PAPOLG: variants seen among roughly 807,000 people sequenced by gnomAD.
PAPOLG encodes the protein poly(A) polymerase gamma, also known as PAP-gamma.
PAPOLG carries 40 observed loss-of-function variants against 99.0 expected under a neutral mutation model. That is an observed-to-expected ratio of 0.40 (90% CI 0.31 to 0.53). The LOEUF is 0.53. Among genes scored for constraint, PAPOLG ranks in the 20% least tolerant of loss-of-function variants. The pLI, the probability that PAPOLG is intolerant of heterozygous loss-of-function variation, is 0.41. For synonymous variants in PAPOLG, 310 were observed against 299.3 expected (o/e 1.04, Z -0.37); for missense variants, 675 against 884.1 (o/e 0.76, Z 3.00).
rs1671760609 is a variant in PAPOLG at position 60,797,883 on chromosome 2, T to C, written c.*723T>C. The C allele has an allele frequency of 6.5e-6, 1 of 152,776 alleles. No homozygotes were observed. Among genetic ancestry groups the C allele is most frequent in the South Asian group, 2.1e-4 (1 of 4,834 alleles). 9.5% of individuals were successfully genotyped at this position (152,776 alleles called of 1,614,324 possible). A position where few individuals can be genotyped will look rare whatever the true frequency, so the allele number is the denominator to read the frequency against. On this transcript the variant is annotated 3_prime_UTR_variant, in exon 22 of 22. Transcript: ENST00000238714. ...TATATTTTGCCTCCCATGGAGGCCT[T>C]TGAAATGCATCTTTATTAAAAATCA...
chr2:60,781,412 T>A (rs1671186073), intron 10 of PAPOLG, among the ~76,000 whole-genome samples: 1 of 152,168 alleles, frequency 6.6e-6, no homozygotes, highest in Non-Finnish European at 1.5e-5. Flanking sequence ...AATAAAAGAT[T>A]TACTTTGCAA....
Position 60,787,071 on chromosome 2 carries a change from GTTAA to G in PAPOLG, c.1286+8_1286+11del. Reference sequence around the variant, plus strand: ...GAATAAGGAACATCATAAAGAGTAAGTTAATTGTTTTATAATACTTTATTTCTTA... The same window carrying G: ...GAATAAGGAACATCATAAAGAGTAAGTTGTTTTATAATACTTTATTTCTTA... On this transcript the variant is annotated splice_donor_region_variant and intron_variant, in intron 14 of 21. Transcript: ENST00000238714. 1 of 1,582,926 alleles carries G rather than the reference GTTAA, an allele frequency of 6.3e-7. No individual in the cohort carries two copies. Among genetic ancestry groups the G allele is most frequent in the South Asian group, 1.2e-5 (1 of 86,588 alleles).
rs941508593 is a variant in PAPOLG, at chr2:60,797,701, T to C, written c.*541T>C. ...ATCTTTTCTGCTTTCCTCATTTGTG[T>C]AGATGTACTGTCTGTTCTGTTGATT... On this transcript the variant is annotated 3_prime_UTR_variant, in exon 22 of 22. Transcript: ENST00000238714. 6.5e-6 allele frequency: 1 copy of C among 153,044 alleles called. No individual in the cohort carries two copies. The highest frequency in any genetic ancestry group is 1.5e-5 in the Non-Finnish European group (1 of 68,234). The allele number at this position is 153,044 out of a possible 1,614,324, so 9.5% of individuals were successfully genotyped here. A position where few individuals can be genotyped will look rare whatever the true frequency, so the allele number is the denominator to read the frequency against.
At chr2:60,759,819 C>T (rs1314844520) in intron 1 of PAPOLG, among the ~76,000 whole-genome samples, 3 of 152,060 alleles carry the variant, frequency 2.0e-5, no homozygotes, top group African/African-American at 7.2e-5. Flanking sequence ...TGGAGGTGGC[C>T]CTGGCACAGA....
At chr2:60,776,722 C>CACCATG (rs1454529900) in intron 8 of PAPOLG, among the ~76,000 whole-genome samples, 1 of 152,150 alleles carries the variant, frequency 6.6e-6, no homozygotes, top group Admixed American at 6.5e-5. Context: ...GCCACCATGC[C>CACCATG]CGGCCAGCTT....
intron 13 of PAPOLG, among the ~76,000 whole-genome samples, chr2:60,786,058 G>A (rs1671352629): frequency 6.6e-6 from 1 of 152,034 alleles, no homozygotes; most frequent in Admixed American, 6.6e-5. Flanking sequence ...TTTAAATGGG[G>A]TTCCTAATAT....
At chr2:60,790,949 C>T (rs1237097878) in intron 15 of PAPOLG, among the ~76,000 whole-genome samples, 2 of 151,988 alleles carry the variant, frequency 1.3e-5, no homozygotes, top group African/African-American at 4.8e-5. Flanking sequence ...AGTAGCTGGG[C>T]ATGGTGCCAT....
At chr2:60,759,754 T>C (rs1380892575) in intron 1 of PAPOLG, among the ~76,000 whole-genome samples, 1 of 152,228 alleles carries the variant, frequency 6.6e-6, no homozygotes, top group Non-Finnish European at 1.5e-5. Context: ...AGTGGTTGAC[T>C]GCTTTTCAAA....
chr2:60,770,525 AT>A lies in PAPOLG; in HGVS notation c.492+19del. 1 of 1,516,842 alleles carries A rather than the reference AT, an allele frequency of 6.6e-7. No homozygotes were observed. 94.0% of individuals were successfully genotyped at this position (1,516,842 alleles called of 1,614,324 possible). ...GATGGTATTGAAGTAAGTGTTTAATATTTTTCTGACTTTACAATTGAACTGT... is the reference window on the plus strand; with the variant it reads ...GATGGTATTGAAGTAAGTGTTTAATATTTTCTGACTTTACAATTGAACTGT... On this transcript the variant is annotated intron_variant, in intron 6 of 21. Coordinates refer to ENST00000238714, the MANE Select transcript of PAPOLG (RefSeq NM_022894.4).
intron 9 of PAPOLG, 97 bp from the exon 10 acceptor site, chr2:60,780,610 C>A: frequency 7.9e-7 from 1 of 1,270,288 alleles, no homozygotes; most frequent in Non-Finnish European, 1.1e-6. Context: ...CCAGAACATT[C>A]ACTCTGTAGA....
intron 7 of PAPOLG, among the ~76,000 whole-genome samples, chr2:60,774,549 A>G (rs928492004): frequency 6.6e-6 from 1 of 152,132 alleles, no homozygotes; most frequent in Admixed American, 6.5e-5. Context: ...TATGTTTAGT[A>G]GAGACAGGGT....
chr2:60,773,402 A>G (rs1265441682), intron 7 of PAPOLG, among the ~76,000 whole-genome samples: 1 of 152,004 alleles, frequency 6.6e-6, no homozygotes, highest in Non-Finnish European at 1.5e-5. Flanking sequence ...AAATAATCCT[A>G]TGTGGTCTTT....
At chr2:60,769,597 AC>A (rs567727481) in intron 5 of PAPOLG, among the ~76,000 whole-genome samples, 178 of 152,318 alleles carry the variant, frequency 1.2e-3, no homozygotes, top group African/African-American at 4.1e-3. Context: ...AATGGTTTCT[AC>A]TAATCTCAAC....
At chr2:60,768,697 T>G in intron 4 of PAPOLG, 84 bp from the exon 5 acceptor site, 1 of 1,371,276 alleles carries the variant, frequency 7.3e-7, no homozygotes, top group Non-Finnish European at 9.9e-7. Flanking sequence ...TTCCATACTT[T>G]CTTCTGTACA....
intron 11 of PAPOLG, 121 bp downstream of exon 11, chr2:60,782,126 T>C (rs1413277374): frequency 9.4e-7 from 1 of 1,061,508 alleles, no homozygotes; most frequent in Non-Finnish European, 1.4e-6. Flanking sequence ...AAAAATTCTT[T>C]CAAGTATGGT....
intron 7 of PAPOLG, among the ~76,000 whole-genome samples, chr2:60,774,380 TTTTGAGACAG>T (rs1670949708): frequency 6.6e-6 from 1 of 151,616 alleles, no homozygotes; most frequent in Non-Finnish European, 1.5e-5. Context: ...TTTTTTTTTT[TTTTGAGACAG>T]AGTCTCACTC....
Position 60,792,160 on chromosome 2 carries a change from G to A in PAPOLG, c.1550G>A (p.Gly517Asp), listed in dbSNP as rs551901770. ...CTCTCTGATGTCAATCGAAGCTCGG[G>A]CGGACTTCAATCCAAAAGATTGTCT... Reference protein sequence around the residue: ...QSLSDVNRSSGGLQSKRLSLD... With the variant: ...QSLSDVNRSSDGLQSKRLSLD... Residue 517 changes from glycine (G) to aspartate (D), a missense_variant, in exon 17 of 22, where the codon GGC becomes GAC. Physicochemically the swap from Gly to Asp is moderately conservative, Grantham distance 94. Coordinates refer to ENST00000238714, the MANE Select transcript of PAPOLG (RefSeq NM_022894.4). The A allele has an allele frequency of 6.3e-7, 1 of 1,593,824 alleles. No individual in the cohort carries two copies. The highest frequency in any genetic ancestry group is 1.4e-5 in the African/African-American group (1 of 73,592).
At chr2:60,759,125 G>T (rs1053082437) in intron 1 of PAPOLG, among the ~76,000 whole-genome samples, 2 of 152,144 alleles carry the variant, frequency 1.3e-5, no homozygotes, top group African/African-American at 4.8e-5. Flanking sequence ...TCCCAGCACC[G>T]TGGGAGGCCG....
chr2:60,756,826 C>G (rs760121667), intron 1 of PAPOLG, among the ~76,000 whole-genome samples: 13 of 152,258 alleles, frequency 8.5e-5, no homozygotes, highest in Non-Finnish European at 1.9e-4. Flanking sequence ...TGTCTGAGCC[C>G]GTCTGCTCCT....
Sources: gnomAD v4.1 joint callset for allele counts (sites outside exome capture counted in the v4.1 genomes callset) on GRCh38, gnomAD v4.1.1 for gene constraint, MANE v1.5 for transcripts, NCBI Gene and HGNC (gene_info 2026-07-23, HGNC 2026-07-21) for gene names.